The following PLXNA4 variants were observed in gnomAD, a reference collection of about 807,000 sequenced individuals.
The protein encoded by PLXNA4 is plexin A4.
PLXNA4 carries 44 observed loss-of-function variants against 191.8 expected under a neutral mutation model. The ratio of observed to expected loss-of-function variants is 0.23; its 90% confidence interval spans 0.18 to 0.29. The LOEUF is 0.29. Ranked by LOEUF, PLXNA4 falls within the 10% of genes least tolerant of loss-of-function variation. The pLI is 1.00. For synonymous variants in PLXNA4, 1,082 were observed against 1,009.5 expected, an observed-to-expected ratio of 1.07 and a Z score of -1.36; for missense variants, 1,800 against 2,488.8, an observed-to-expected ratio of 0.72 and a Z score of 5.89.
At chr7:132,295,618 G>A (rs1167791867) in intron 4 of PLXNA4, among the ~76,000 whole-genome samples, 1 of 152,132 alleles carries the variant, frequency 6.6e-6, no homozygotes, top group African/African-American at 2.4e-5. Context: ...TGCCCAACCT[G>A]TCAAGCAGGC....
At chr7:132,389,981 A>C (rs1178815203) in intron 3 of PLXNA4, among the ~76,000 whole-genome samples, 4 of 152,214 alleles carry the variant, frequency 2.6e-5, no homozygotes, top group Admixed American at 2.6e-4. Flanking sequence ...AGTGTAAATT[A>C]GTTCAACCAT....
intron 3 of PLXNA4, among the ~76,000 whole-genome samples, chr7:132,473,153 C>T (rs1488503144): frequency 6.6e-6 from 1 of 152,232 alleles, no homozygotes; most frequent in Non-Finnish European, 1.5e-5. Flanking sequence ...TTGTCTCTTG[C>T]AGTGAGTCAG....
chr7:132,638,856 G>A (rs892591941), intron 2 of PLXNA4, among the ~76,000 whole-genome samples: 1 of 152,090 alleles, frequency 6.6e-6, no homozygotes, highest in African/African-American at 2.4e-5. Flanking sequence ...TAGCCCGTGG[G>A]GACAAATGCT....
intron 3 of PLXNA4, among the ~76,000 whole-genome samples, chr7:132,457,587 C>T (rs1041913297): frequency 1.3e-5 from 2 of 152,336 alleles, no homozygotes; most frequent in Admixed American, 1.3e-4. Context: ...CAAAGACACC[C>T]ATGTCCTAAT....
intron 2 of PLXNA4, among the ~76,000 whole-genome samples, chr7:132,628,912 C>T (rs1392985596): frequency 6.6e-6 from 1 of 152,198 alleles, no homozygotes; most frequent in Non-Finnish European, 1.5e-5. Flanking sequence ...TTCTGATTTG[C>T]TTAGTTCAAA....
chr7:132,525,496 ACCT>A (rs967803211), intron 1 of PLXNA4, among the ~76,000 whole-genome samples: 1 of 151,916 alleles, frequency 6.6e-6, no homozygotes, highest in African/African-American at 2.4e-5. Context: ...CAATCCTCCC[ACCT>A]CAGTCTCACA....
intron 5 of PLXNA4, among the ~76,000 whole-genome samples, chr7:132,231,408 A>G (rs1167901053): frequency 6.6e-6 from 1 of 152,128 alleles, no homozygotes; most frequent in Non-Finnish European, 1.5e-5. Context: ...TTTTTATCTT[A>G]TTTTTAGAAT....
intron 1 of PLXNA4, among the ~76,000 whole-genome samples, chr7:132,648,013 A>G (rs1803914884): frequency 6.6e-6 from 1 of 151,954 alleles, no homozygotes; most frequent in Admixed American, 6.6e-5. Context: ...ACCCACAAAC[A>G]CACATATACT....
chr7:132,200,700 A>G (rs1301887844), intron 12 of PLXNA4, among the ~76,000 whole-genome samples: 2 of 152,230 alleles, frequency 1.3e-5, no homozygotes, highest in Non-Finnish European at 2.9e-5. Context: ...CACAAAAGCC[A>G]AGAATCTTCT....
intron 1 of PLXNA4, among the ~76,000 whole-genome samples, chr7:132,572,672 G>A (rs888972789): frequency 3.3e-5 from 5 of 152,146 alleles, no homozygotes; most frequent in African/African-American, 1.2e-4. Context: ...GTCTCCCTGT[G>A]GGCTCCACCT....
At chr7:132,540,569 C>CTTTTGTTTTTT in intron 1 of PLXNA4, among the ~76,000 whole-genome samples, 3 of 60,976 alleles carry the variant, frequency 4.9e-5, no homozygotes, top group Non-Finnish European at 8.1e-5. Flanking sequence ...GTGGACCGTT[C>CTTTTGTTTTTT]TTTTTTTTTT....
At chr7:132,193,758 C>T (rs1416123588) in intron 14 of PLXNA4, among the ~76,000 whole-genome samples, 2 of 152,166 alleles carry the variant, frequency 1.3e-5, no homozygotes, top group Non-Finnish European at 2.9e-5. Flanking sequence ...GAAGTCCAAG[C>T]TCTTGCCTAC....
chr7:132,396,423 G>T (rs1448158752), intron 3 of PLXNA4, among the ~76,000 whole-genome samples: 2 of 152,210 alleles, frequency 1.3e-5, no homozygotes, highest in African/African-American at 4.8e-5. Context: ...GCCACAGAGA[G>T]GTTAAGTAGC....
chr7:132,580,243 A>G (rs936681657), upstream of PLXNA4, among the ~76,000 whole-genome samples: 1 of 152,144 alleles, frequency 6.6e-6, no homozygotes, highest in African/African-American at 2.4e-5. Context: ...GCCTTCTGCT[A>G]TCTTGTCCCC....
chr7:132,436,227 C>T (rs772768676), intron 3 of PLXNA4, among the ~76,000 whole-genome samples: 28 of 152,212 alleles, frequency 1.8e-4, no homozygotes, highest in Non-Finnish European at 3.4e-4. Flanking sequence ...CACCCAAACA[C>T]GCTGCAAATC....
At chr7:132,486,085 C>T (rs1301446017) in intron 3 of PLXNA4, among the ~76,000 whole-genome samples, 6 of 152,080 alleles carry the variant, frequency 3.9e-5, no homozygotes, top group East Asian at 1.9e-4. Context: ...CTTGTCATAC[C>T]GTAAAGAACT....
intron 3 of PLXNA4, among the ~76,000 whole-genome samples, chr7:132,356,713 A>C (rs949798090): frequency 1.3e-5 from 2 of 152,242 alleles, no homozygotes; most frequent in Non-Finnish European, 2.9e-5. Flanking sequence ...GGTTCCCTCT[A>C]TTAAGCAAGT....
At chr7:132,163,526 T>C (rs552505830) in intron 24 of PLXNA4, among the ~76,000 whole-genome samples, 5 of 152,376 alleles carry the variant, frequency 3.3e-5, no homozygotes, top group African/African-American at 4.8e-5. Flanking sequence ...CAGGTCTGTC[T>C]GATCCCAAAG....
At chr7:132,195,444 T>TA (rs1440706928) in intron 13 of PLXNA4, among the ~76,000 whole-genome samples, 1 of 152,244 alleles carries the variant, frequency 6.6e-6, no homozygotes, top group Admixed American at 6.5e-5. Flanking sequence ...CACACATCCT[T>TA]AGGCATTGTA....
Sources: gnomAD v4.1 joint callset for allele counts (sites outside exome capture counted in the v4.1 genomes callset) on GRCh38, gnomAD v4.1.1 for gene constraint, MANE v1.5 for transcripts, NCBI Gene and HGNC (gene_info 2026-07-23, HGNC 2026-07-21) for gene names.